Variants in RANBP2 observed in about 807,000 individuals in gnomAD.
RANBP2 encodes the protein E3 SUMO-protein ligase RanBP2.
Under a neutral mutation model 303.6 loss-of-function variants are expected in RANBP2, and 57 were observed. That is an observed-to-expected ratio of 0.19 (90% confidence interval 0.15 to 0.23). The LOEUF is 0.23. RANBP2 is among the 10% of genes least tolerant of loss of function. RANBP2 has a pLI of 1.00. For synonymous variants in RANBP2, 1,167 were observed against 1,301.5 expected, an observed-to-expected ratio of 0.90 and a Z score of 2.23; for missense variants, 3,138 against 3,780.8, an observed-to-expected ratio of 0.83 and a Z score of 4.46.
the RANBP2 span, among the ~76,000 whole-genome samples, chr2:109,361,775 G>A: frequency 6.6e-6 from 1 of 152,114 alleles, no homozygotes; most frequent in African/African-American, 2.4e-5. Context: ...AAGGCCTATT[G>A]AATTATATAT....
rs1676865368 is a variant in RANBP2, at chr2:108,763,261, C to T, written c.2722C>T (p.Leu908Phe). Reference protein sequence around the residue: ...TKGPVYGMNRLPPQQHIYAYP... With the variant: ...TKGPVYGMNRFPPQQHIYAYP... ...GGGCCCAGTCTATGGCATGAATAGGCTTCCACCCCAACAGCATATTTATGC... is the reference window on the plus strand; with the variant it reads ...GGGCCCAGTCTATGGCATGAATAGGTTTCCACCCCAACAGCATATTTATGC... The change falls in exon 20 of 29, where the codon CTT becomes TTT. Residue 908 changes from leucine (L) to phenylalanine (F), a missense_variant. Physicochemically the swap from Leu to Phe is conservative, Grantham distance 22. Transcript: ENST00000283195. 2 of 1,613,730 alleles carry T rather than the reference C, an allele frequency of 1.2e-6. No individual in the cohort carries two copies. The highest frequency in any genetic ancestry group is 2.7e-5 in the African/African-American group (2 of 75,018).
At chr2:109,358,761 T>C in the RANBP2 span, among the ~76,000 whole-genome samples, 1 of 152,250 alleles carries the variant, frequency 6.6e-6, no homozygotes, top group African/African-American at 2.4e-5. Context: ...ACAGTATCTT[T>C]TGCAGAGTAC....
At chr2:109,419,785 G>A in the RANBP2 span, 12 of 716,794 alleles carry the variant, frequency 1.7e-5, no homozygotes, top group Admixed American at 8.7e-5. Context: ...TAATAACACC[G>A]CTGAAGGGAG....
chr2:109,062,014 C>A, the RANBP2 span, among the ~76,000 whole-genome samples: 2 of 152,118 alleles, frequency 1.3e-5, no homozygotes, highest in African/African-American at 2.4e-5. Flanking sequence ...CCTCACAGAC[C>A]CTCCAGCCCC....
the RANBP2 span, among the ~76,000 whole-genome samples, chr2:109,026,251 A>G: frequency 6.8e-6 from 1 of 147,374 alleles, no homozygotes; most frequent in African/African-American, 2.5e-5. Context: ...TTCCTGCTTC[A>G]GCCTCCAGAG....
At chr2:108,995,891 C>T in the RANBP2 span, among the ~76,000 whole-genome samples, 1 of 152,170 alleles carries the variant, frequency 6.6e-6, no homozygotes, top group African/African-American at 2.4e-5. Flanking sequence ...AAATTACCTG[C>T]CTCATTCATG....
chr2:108,791,013 C>T, the RANBP2 span, among the ~76,000 whole-genome samples: 2 of 152,224 alleles, frequency 1.3e-5, no homozygotes, highest in East Asian at 1.9e-4. Context: ...ACTCCCACTT[C>T]GGCCTCCCAA....
At chr2:109,614,629 A>G in the RANBP2 span, 3 of 1,464,646 alleles carry the variant, frequency 2.0e-6, no homozygotes, top group East Asian at 3.0e-5. Context: ...GGCGAACCGG[A>G]GCAGCGCGCC....
At chr2:108,859,058 C>T in the RANBP2 span, among the ~76,000 whole-genome samples, 17,259 of 152,032 alleles carry the variant, frequency 0.11, 1,586 homozygotes, top group African/African-American at 0.24. Context: ...ATTGCTGAAT[C>T]GAATGGCAGT....
At chr2:109,611,746 G>A in the RANBP2 span, among the ~76,000 whole-genome samples, 1 of 152,152 alleles carries the variant, frequency 6.6e-6, no homozygotes, top group Non-Finnish European at 1.5e-5. Context: ...TAGCCTGGGT[G>A]ACAATACGAG....
At chr2:109,009,728 A>G in the RANBP2 span, among the ~76,000 whole-genome samples, 1 of 116,554 alleles carries the variant, frequency 8.6e-6, no homozygotes, top group Non-Finnish European at 1.6e-5. Context: ...TTTTTTTTGC[A>G]GGGACAAGGA....
chr2:108,876,257 G>C, the RANBP2 span: 4 of 1,558,772 alleles, frequency 2.6e-6, no homozygotes, highest in East Asian at 4.5e-5. Flanking sequence ...CCCTTAGACT[G>C]GCTAATTTTT....
chr2:109,637,968 C>G, the RANBP2 span, among the ~76,000 whole-genome samples: 18 of 152,220 alleles, frequency 1.2e-4, no homozygotes, highest in Non-Finnish European at 1.5e-4. Context: ...AAAAACCAAC[C>G]AACAAACAAA....
chr2:109,071,870 C>T, the RANBP2 span, among the ~76,000 whole-genome samples: 1 of 151,930 alleles, frequency 6.6e-6, no homozygotes, highest in African/African-American at 2.4e-5. Flanking sequence ...AACATGCCAG[C>T]ATTTAGAGGA....
At chr2:109,154,018 G>T in the RANBP2 span, among the ~76,000 whole-genome samples, 1 of 152,234 alleles carries the variant, frequency 6.6e-6, no homozygotes, top group Non-Finnish European at 1.5e-5. Flanking sequence ...CAGTGATTCT[G>T]GTTGGTGGAC....
chr2:108,856,939 T>C, the RANBP2 span: 1 of 1,609,454 alleles, frequency 6.2e-7, no homozygotes, highest in Non-Finnish European at 8.5e-7. Context: ...CTAATGTTAT[T>C]GATAGTTTGC....
chr2:109,389,473 TC>T, the RANBP2 span, among the ~76,000 whole-genome samples: 1 of 152,176 alleles, frequency 6.6e-6, no homozygotes, highest in African/African-American at 2.4e-5. Context: ...TGAAGCTACT[TC>T]CATACCACAT....
chr2:109,053,516 A>G, the RANBP2 span, among the ~76,000 whole-genome samples: 2 of 152,158 alleles, frequency 1.3e-5, no homozygotes, highest in African/African-American at 4.8e-5. Flanking sequence ...CCTCAGCTGG[A>G]GCGCAAGTGG....
chr2:109,279,221 T>A, the RANBP2 span, among the ~76,000 whole-genome samples: 1 of 152,230 alleles, frequency 6.6e-6, no homozygotes. Context: ...TGCTATTAGC[T>A]TGTCGAGAGC....
Sources: gnomAD v4.1 joint callset for allele counts (sites outside exome capture counted in the v4.1 genomes callset) on GRCh38, gnomAD v4.1.1 for gene constraint, MANE v1.5 for transcripts, NCBI Gene and HGNC (gene_info 2026-07-23, HGNC 2026-07-21) for gene names.